Variants in GPR137C observed in about 807,000 individuals in gnomAD.
GPR137C encodes the protein G protein-coupled receptor 137C, also known as integral membrane protein GPR137C.
A neutral mutation model predicts 43.4 loss-of-function variants in GPR137C; 27 were observed. That is an observed-to-expected ratio of 0.62 (90% confidence interval 0.46 to 0.86). The LOEUF (loss-of-function observed/expected upper bound fraction) is 0.86, where lower values mean the gene tolerates loss of function less well. GPR137C is among the 40% of genes least tolerant of loss of function. The pLI is 0.00. For missense variants in GPR137C, 522 were observed against 534.6 expected (o/e 0.98, Z 0.23); for synonymous variants, 285 against 226.9 (o/e 1.26, Z -2.30).
intron 3 of GPR137C, chr14:52,612,835 G>A: frequency 6.6e-6 from 1 of 150,674 alleles, no homozygotes; most frequent in East Asian, 1.9e-4. Flanking sequence ...CAAAGTACTG[G>A]GATTACAAGC....
At position 52,552,917 on chromosome 14, in the gene GPR137C, C is replaced by T. The variant is rs956828399; in HGVS notation, c.-231C>T. On this transcript the variant is annotated 5_prime_UTR_variant, in exon 1 of 7. Coordinates refer to ENST00000321662, the MANE Select transcript of GPR137C (RefSeq NM_001099652.2). The stretch of plus-strand genomic sequence containing the variant: ...GAGTTGTTTTTTGCAGCTACGGAGC[C>T]GAGCCGCAGCAGGAGGAGCCGAGAC... Among the ~76,000 whole-genome samples, 9 of 151,452 alleles carry T rather than the reference C, an allele frequency of 5.9e-5. No individual in the cohort carries two copies. The highest frequency in any genetic ancestry group is 2.2e-4 in the African/African-American group (9 of 41,202).
chr14:52,593,868 G>T (rs1232920791), intron 1 of GPR137C, among the ~76,000 whole-genome samples: 1 of 151,924 alleles, frequency 6.6e-6, no homozygotes, highest in Non-Finnish European at 1.5e-5. Flanking sequence ...CTTGCCTTCT[G>T]CTAGCTTTTG....
intron 3 of GPR137C, among the ~76,000 whole-genome samples, chr14:52,606,713 G>A (rs891747566): frequency 2.0e-5 from 3 of 152,022 alleles, no homozygotes; most frequent in Admixed American, 1.3e-4. Context: ...GTCTAGCTAA[G>A]TTTGTTGATT....
intron 3 of GPR137C, among the ~76,000 whole-genome samples, chr14:52,626,814 C>A (rs916336030): frequency 6.6e-6 from 1 of 151,902 alleles, no homozygotes; most frequent in Admixed American, 6.6e-5. Flanking sequence ...TTATATATAA[C>A]AGGAATAATC....
intron 2 of GPR137C, among the ~76,000 whole-genome samples, chr14:52,598,908 C>G (rs2038889950): frequency 6.6e-6 from 1 of 152,114 alleles, no homozygotes; most frequent in African/African-American, 2.4e-5. Flanking sequence ...AAAATACAAC[C>G]TTTTAAAACT....
Position 52,601,811 on chromosome 14 carries a change from A to G in GPR137C, c.717+1470A>G, listed in dbSNP as rs116020663. Among the ~76,000 whole-genome samples the G allele has an allele frequency of 8.1e-3, 1,226 of 152,018 alleles. 16 individuals carry two copies. The highest frequency in any genetic ancestry group is 0.028 in the African/African-American group (1,153 of 41,482). ...GTTGAATTTCAAGTGCTTCTTCTCT[A>G]GATACCTAGTGTATTTCTAAGTTTG... On this transcript the variant is annotated intron_variant, in intron 3 of 6. Coordinates refer to ENST00000321662, the MANE Select transcript of GPR137C (RefSeq NM_001099652.2).
At chr14:52,629,027 ATAT>A (rs2039263818) in intron 3 of GPR137C, among the ~76,000 whole-genome samples, 1 of 152,238 alleles carries the variant, frequency 6.6e-6, no homozygotes, top group South Asian at 2.1e-4. Context: ...CAATAACACA[ATAT>A]TATTAGTCAT....
At position 52,553,562 on chromosome 14, in the gene GPR137C, C is replaced by G. The variant is rs763627535; in HGVS notation, c.415C>G (p.Leu139Val). 6.2e-7 allele frequency: 1 copy of G among 1,603,972 alleles called. No individual in the cohort carries two copies. Residue 139 changes from leucine (L) to valine (V), a missense_variant, in exon 1 of 7, where the codon CTC (leucine) becomes GTC (valine). Physicochemically the swap from Leu to Val is conservative, Grantham distance 32. Around this residue, in one of 3 missense-constraint regions of GPR137C, gnomAD observed 437 missense variants for 425.7 expected, o/e 1.03. Transcript: ENST00000321662. ...CCCCTCCTGTCTCCAGTTCTCCACG[C>G]TCTGTCTCCTCAACCTCTACCTGGC... ...CFPSCLQFSTLCLLNLYLAEV... is the reference protein window; with the variant it reads ...CFPSCLQFSTVCLLNLYLAEV...
intron 3 of GPR137C, among the ~76,000 whole-genome samples, chr14:52,622,675 A>G (rs1182758255): frequency 3.3e-5 from 5 of 152,040 alleles, no homozygotes; most frequent in African/African-American, 7.2e-5. Flanking sequence ...ATGGTGTTCT[A>G]TGAAAAAAAG....
chr14:52,560,491 C>T (rs2038265235), intron 1 of GPR137C, among the ~76,000 whole-genome samples: 1 of 152,116 alleles, frequency 6.6e-6, no homozygotes, highest in Non-Finnish European at 1.5e-5. Context: ...GTTGAAGGAT[C>T]GCACTACTTG....
intron 3 of GPR137C, among the ~76,000 whole-genome samples, chr14:52,625,993 TA>T (rs1417522444): frequency 1.3e-5 from 2 of 152,096 alleles, no homozygotes; most frequent in Non-Finnish European, 2.9e-5. Flanking sequence ...AAATATTAAA[TA>T]AATACAAAGT....
Position 52,637,335 on chromosome 14 carries a change from T to A in GPR137C, c.*2220T>A, listed in dbSNP as rs2039364234. On this transcript the variant is annotated 3_prime_UTR_variant, in exon 7 of 7. Coordinates refer to ENST00000321662, the MANE Select transcript of GPR137C (RefSeq NM_001099652.2). ...AATCAAAGGGCTACCGATTCCCTGT[T>A]CATCCTGCACTGAAGCACATGATGA... 6.6e-6 allele frequency: 1 copy of A among 152,166 alleles called. No homozygotes were observed. The highest frequency in any genetic ancestry group is 1.5e-5 in the Non-Finnish European group (1 of 68,002). The allele number at this position is 152,166 out of a possible 1,614,324, so 9.4% of individuals were successfully genotyped here.
chr14:52,565,325 A>G (rs1347608215), intron 1 of GPR137C, among the ~76,000 whole-genome samples: 2 of 152,176 alleles, frequency 1.3e-5, no homozygotes, highest in Non-Finnish European at 2.9e-5. Context: ...ACAACTAAAT[A>G]TAATCCTGTC....
Position 52,635,100 on chromosome 14 carries a change from GAC to G in GPR137C, c.1278_1279del (p.Pro427ThrfsTer12), listed in dbSNP as rs759576879. 6.4e-7 allele frequency: 1 copy of G among 1,574,396 alleles called. No individual in the cohort carries two copies. Among genetic ancestry groups the G allele is most frequent in the South Asian group, 1.2e-5 (1 of 83,666 alleles). On this transcript the variant is annotated frameshift_variant, in exon 7 of 7. Coordinates refer to ENST00000321662, the MANE Select transcript of GPR137C (RefSeq NM_001099652.2). LOFTEE classifies it high-confidence loss of function. The stretch of plus-strand genomic sequence containing the variant: ...TGAACAATCATCATAGCTTATATGT[GAC>G]ACCACAAAACTGACAGCATCACCAA... ...DLNNHHSLYV[T>X]PQN
rs768880781 is a variant in GPR137C at position 52,633,679 on chromosome 14, C to T, written c.993+24C>T. 1.9e-6 allele frequency: 3 copies of T among 1,606,946 alleles called. No homozygotes were observed. In the African/African-American group the frequency reaches 4.0e-5, roughly 22 times the overall value. On this transcript the variant is annotated intron_variant, in intron 5 of 6. Transcript: ENST00000321662. ...TGGTATGATATAATATTCCCCAATG[C>T]CTGTTCTCCTATTTTTAAAAATTAT...
intron 1 of GPR137C, among the ~76,000 whole-genome samples, chr14:52,561,374 G>C (rs1453364667): frequency 6.6e-6 from 1 of 152,192 alleles, no homozygotes; most frequent in Non-Finnish European, 1.5e-5. Context: ...TCAGGAAACT[G>C]AGGCAGGAGG....
At chr14:52,558,793 G>A (rs754199478) in intron 1 of GPR137C, among the ~76,000 whole-genome samples, 6 of 152,066 alleles carry the variant, frequency 3.9e-5, no homozygotes, top group African/African-American at 7.3e-5. Context: ...TGAAATGGAT[G>A]GTTAAACAGA....
intron 1 of GPR137C, among the ~76,000 whole-genome samples, chr14:52,571,446 G>A (rs995117689): frequency 1.4e-4 from 22 of 152,036 alleles, no homozygotes; most frequent in Admixed American, 4.6e-4. Flanking sequence ...AGGCCGAGGC[G>A]GGTGGATCAT....
chr14:52,562,128 T>G (rs2038294315), intron 1 of GPR137C, among the ~76,000 whole-genome samples: 1 of 151,996 alleles, frequency 6.6e-6, no homozygotes, highest in Non-Finnish European at 1.5e-5. Context: ...AAGAACAGGA[T>G]AAATCCAAAG....
Sources: allele counts gnomAD v4.1 joint callset (sites outside exome capture counted in the v4.1 genomes callset), GRCh38; gene constraint gnomAD v4.1.1; regional missense constraint gnomAD v4.1.1; transcripts MANE v1.5; gene names NCBI Gene and HGNC (gene_info 2026-07-23, HGNC 2026-07-21).